Variants in SUGCT observed in about 807,000 individuals in gnomAD.
The protein encoded by SUGCT is succinyl-CoA:glutarate CoA-transferase.
SUGCT carries 41 observed loss-of-function variants against 55.0 expected under a neutral mutation model. The ratio of observed to expected loss-of-function variants is 0.74; its 90% CI spans 0.58 to 0.97. The LOEUF (loss-of-function observed/expected upper bound fraction) is 0.97. SUGCT is among the 50% of genes least tolerant of loss of function. The probability of loss-of-function intolerance (pLI) is 0.00; values close to 1 mark genes in which losing one functional copy is unlikely to be tolerated. For missense variants in SUGCT, 568 were observed against 547.8 expected (o/e 1.04, Z -0.37); for synonymous variants, 187 against 200.4 (o/e 0.93, Z 0.56).
intron 13 of SUGCT, among the ~76,000 whole-genome samples, chr7:40,783,952 A>C (rs1427502483): frequency 6.6e-6 from 1 of 152,130 alleles, no homozygotes; most frequent in African/African-American, 2.4e-5. Flanking sequence ...TGACCTCCTA[A>C]AGGGCAATGG....
intron 9 of SUGCT, among the ~76,000 whole-genome samples, chr7:40,383,854 T>A (rs1306599019): frequency 1.3e-5 from 2 of 152,188 alleles, no homozygotes; most frequent in African/African-American, 4.8e-5. Flanking sequence ...GAAGTTGTAA[T>A]GCATGTCTTA....
At chr7:40,802,054 CTTT>C (rs77975324) in intron 13 of SUGCT, among the ~76,000 whole-genome samples, 1 of 151,256 alleles carries the variant, frequency 6.6e-6, no homozygotes, top group African/African-American at 2.4e-5. Context: ...AGAACAGACT[CTTT>C]TTTTTCCTGA....
rs183359650 is a variant in SUGCT at position 40,697,505 on chromosome 7, G to A, written c.1090-51929G>A. ...TAACAAAAATTAGCCAATTGTTGTG[G>A]CAGGAGCCTGTAATTCCAGCTACTC... On this transcript the variant is annotated intron_variant, in intron 12 of 13. Coordinates refer to ENST00000335693, the MANE Select transcript of SUGCT (RefSeq NM_001193313.2). Among the ~76,000 whole-genome samples, 7 of 152,272 alleles carry A rather than the reference G, an allele frequency of 4.6e-5. No individual in the cohort carries two copies. In the East Asian group the frequency reaches 1.4e-3, roughly 29 times the overall value.
Position 40,296,919 on chromosome 7 carries a change from G to A in SUGCT, c.721-19841G>A, listed in dbSNP as rs79174439. 6.0e-3 allele frequency among the ~76,000 whole-genome samples: 914 copies of A among 152,196 alleles called. 7 individuals are homozygous for A. The highest frequency in any genetic ancestry group is 0.021 in the African/African-American group (873 of 41,504). ...ATTTAAATCCTCAATATACTGCTAA[G>A]TAGCTATGACCCTCAAGCAAGTCAT... On this transcript the variant is annotated intron_variant, in intron 8 of 13. Coordinates refer to ENST00000335693, the MANE Select transcript of SUGCT (RefSeq NM_001193313.2).
chr7:40,156,281 G>A (rs1014328843), intron 1 of SUGCT, among the ~76,000 whole-genome samples: 1 of 152,062 alleles, frequency 6.6e-6, no homozygotes, highest in Non-Finnish European at 1.5e-5. Flanking sequence ...GGCTAACACA[G>A]TGAAACCCCG....
intron 12 of SUGCT, among the ~76,000 whole-genome samples, chr7:40,542,001 G>A (rs1184445374): frequency 6.6e-6 from 1 of 152,122 alleles, no homozygotes; most frequent in African/African-American, 2.4e-5. Context: ...TATGAAGAAA[G>A]CCTTCCACCA....
chr7:40,650,706 C>A lies in SUGCT; in HGVS notation c.1090-98728C>A, dbSNP rs564502053. ...TGCAGAATTTGATGACTTTTTCACTCAACTTTGTACTTTTTTATTTTAAGT... is the reference window on the plus strand; with the variant it reads ...TGCAGAATTTGATGACTTTTTCACTAAACTTTGTACTTTTTTATTTTAAGT... On this transcript the variant is annotated intron_variant, in intron 12 of 13. Transcript: ENST00000335693. Among the ~76,000 whole-genome samples the A allele has an allele frequency of 1.6e-4, 25 of 152,222 alleles. No homozygotes were observed. The East Asian group carries it at 4.3e-3, about 26-fold the overall frequency.
chr7:40,445,835 G>T (rs903501720), intron 9 of SUGCT, among the ~76,000 whole-genome samples: 21 of 152,020 alleles, frequency 1.4e-4, no homozygotes, highest in African/African-American at 5.1e-4. Context: ...TTATTAAAAA[G>T]AACTCCTAAT....
At chr7:40,173,677 C>T (rs1018981424) in intron 1 of SUGCT, among the ~76,000 whole-genome samples, 8 of 152,008 alleles carry the variant, frequency 5.3e-5, no homozygotes, top group Middle Eastern at 3.4e-3. Context: ...TTAAAAGCCC[C>T]GTGTTTAAAG....
chr7:40,148,435 G>T (rs923782396), intron 1 of SUGCT, among the ~76,000 whole-genome samples: 2 of 152,010 alleles, frequency 1.3e-5, no homozygotes, highest in Admixed American at 1.3e-4. Context: ...ACCTGAGGTC[G>T]AGAGTTGGAG....
chr7:40,375,209 A>T (rs1784484223), intron 9 of SUGCT, among the ~76,000 whole-genome samples: 1 of 152,158 alleles, frequency 6.6e-6, no homozygotes, highest in Non-Finnish European at 1.5e-5. Context: ...GGCTGATGTT[A>T]GTAGTACACT....
chr7:41,008,741 G>A, the SUGCT span, among the ~76,000 whole-genome samples: 2 of 151,904 alleles, frequency 1.3e-5, no homozygotes, highest in South Asian at 4.2e-4. Flanking sequence ...GCTGCTGGAG[G>A]GCAAATGCGC....
intron 12 of SUGCT, among the ~76,000 whole-genome samples, chr7:40,596,740 T>A (rs1798025531): frequency 6.6e-6 from 1 of 152,200 alleles, no homozygotes; most frequent in Non-Finnish European, 1.5e-5. Flanking sequence ...CCTCTTGTAT[T>A]CGTTGCCTTC....
At chr7:40,847,823 T>TA (rs958765413) in intron 13 of SUGCT, among the ~76,000 whole-genome samples, 9 of 151,454 alleles carry the variant, frequency 5.9e-5, no homozygotes, top group Middle Eastern at 3.4e-3. Context: ...TAAAGGAAAG[T>TA]AAAAAAAAAT....
chr7:40,237,213 G>A (rs1789072770), intron 6 of SUGCT, among the ~76,000 whole-genome samples: 1 of 151,668 alleles, frequency 6.6e-6, no homozygotes, highest in Admixed American at 6.5e-5. Flanking sequence ...GGAGGCTGAG[G>A]CAGGTGGATC....
At chr7:40,398,239 A>T (rs1270622998) in intron 9 of SUGCT, among the ~76,000 whole-genome samples, 1 of 152,076 alleles carries the variant, frequency 6.6e-6, no homozygotes, top group Non-Finnish European at 1.5e-5. Flanking sequence ...TTACAGGCAC[A>T]TGCCACCATG....
intron 12 of SUGCT, among the ~76,000 whole-genome samples, chr7:40,710,596 G>A (rs995542438): frequency 3.0e-4 from 46 of 152,016 alleles, no homozygotes; most frequent in African/African-American, 1.0e-3. Context: ...GCAAGCAGGA[G>A]AGAGAGAGAT....
chr7:40,665,039 A>C (rs998448725), intron 12 of SUGCT, among the ~76,000 whole-genome samples: 7 of 151,624 alleles, frequency 4.6e-5, no homozygotes, highest in Admixed American at 2.0e-4. Context: ...ATTTTTTCTT[A>C]TATGTCCACT....
At chr7:40,755,507 T>G (rs1485661742) in intron 13 of SUGCT, among the ~76,000 whole-genome samples, 1 of 152,220 alleles carries the variant, frequency 6.6e-6, no homozygotes, top group Non-Finnish European at 1.5e-5. Context: ...TTCCAAAGGT[T>G]GGCCAATTTC....
Sources: gnomAD v4.1 joint callset for allele counts (sites outside exome capture counted in the v4.1 genomes callset) on GRCh38, gnomAD v4.1.1 for gene constraint, MANE v1.5 for transcripts, NCBI Gene and HGNC (gene_info 2026-07-23, HGNC 2026-07-21) for gene names.